The following TBC1D1 variants were observed in gnomAD, a reference collection of about 807,000 sequenced individuals.
TBC1D1 encodes TBC1 domain family member 1, also known as TBC1 (tre-2/USP6, BUB2, cdc16) domain family, member 1.
In TBC1D1, 89 loss-of-function variants were observed where a neutral mutation model predicts 125.6. That is an observed-to-expected ratio of 0.71 (90% CI 0.60 to 0.85). TBC1D1 has a LOEUF of 0.85. Among genes scored for constraint, TBC1D1 ranks in the 40% least tolerant of loss-of-function variants. TBC1D1 has a pLI of 0.00. For synonymous variants in TBC1D1, 565 were observed against 564.1 expected (o/e 1.00, Z -0.02); for missense variants, 1,377 against 1,469.2 (o/e 0.94, Z 1.03).
chr4:38,130,568 G>T (rs1355972405), intron 18 of TBC1D1, among the ~76,000 whole-genome samples: 2 of 152,126 alleles, frequency 1.3e-5, no homozygotes, highest in Non-Finnish European at 2.9e-5. Context: ...AACTCTAGTG[G>T]AATTGCTCTG....
chr4:38,003,088 A>G (rs1420132386), intron 2 of TBC1D1, among the ~76,000 whole-genome samples: 1 of 152,206 alleles, frequency 6.6e-6, no homozygotes, highest in Non-Finnish European at 1.5e-5. Context: ...TCCATCTTAC[A>G]ATACCTACTG....
chr4:37,978,440 C>A lies in TBC1D1; in HGVS notation c.418-36069C>A, dbSNP rs542333744. Among the ~76,000 whole-genome samples, 162 of 152,322 alleles carry A rather than the reference C, an allele frequency of 1.1e-3. 1 individual carries two copies. Among genetic ancestry groups the A allele is most frequent in the Middle Eastern group, 3.4e-3 (1 of 294 alleles). On this transcript the variant is annotated intron_variant, in intron 2 of 19. Transcript: ENST00000261439. The stretch of plus-strand genomic sequence containing the variant: ...ATAAGCTCACAACTCGTTAGCCATA[C>A]TGTGAGGCTTTACCAATTAATAATT...
At chr4:38,057,308 G>A (rs1578471102) in intron 12 of TBC1D1, among the ~76,000 whole-genome samples, 1 of 152,108 alleles carries the variant, frequency 6.6e-6, no homozygotes, top group Non-Finnish European at 1.5e-5. Context: ...AATGCTCTTC[G>A]TCAGTATCCC....
At chr4:38,135,620 C>T (rs1301181859) in intron 19 of TBC1D1, among the ~76,000 whole-genome samples, 2 of 152,140 alleles carry the variant, frequency 1.3e-5, no homozygotes, top group African/African-American at 2.4e-5. Flanking sequence ...CTGAGCCAGG[C>T]CCTGACGATG....
chr4:38,066,919 C>T (rs574731599), intron 12 of TBC1D1, among the ~76,000 whole-genome samples: 28 of 152,142 alleles, frequency 1.8e-4, no homozygotes, highest in African/African-American at 4.6e-4. Context: ...GCTCTGTCGC[C>T]GGGCTGGAGT....
intron 2 of TBC1D1, among the ~76,000 whole-genome samples, chr4:37,904,483 C>T (rs1173387731): frequency 2.6e-5 from 4 of 152,186 alleles, no homozygotes; most frequent in East Asian, 1.9e-4. Flanking sequence ...TGCGTGGAAT[C>T]GTTGTTCAGC....
At chr4:38,073,337 T>G (rs185814255) in intron 12 of TBC1D1, among the ~76,000 whole-genome samples, 1 of 152,384 alleles carries the variant, frequency 6.6e-6, no homozygotes, top group Non-Finnish European at 1.5e-5. Context: ...TGATTTTCTG[T>G]GTTGGGCCTG....
intron 2 of TBC1D1, among the ~76,000 whole-genome samples, chr4:37,964,561 G>A (rs2381133): frequency 6.6e-6 from 1 of 152,006 alleles, no homozygotes; most frequent in Non-Finnish European, 1.5e-5. Flanking sequence ...CTGCCTTCCC[G>A]AGATCCGGCA....
At chr4:38,128,754 C>G (rs2152626383) in intron 18 of TBC1D1, among the ~76,000 whole-genome samples, 1 of 152,290 alleles carries the variant, frequency 6.6e-6, no homozygotes, top group African/African-American at 2.4e-5. Context: ...CCAAGGGTGT[C>G]TGAAGCCTTT....
At chr4:37,973,493 A>G (rs965648895) in intron 2 of TBC1D1, among the ~76,000 whole-genome samples, 5 of 152,200 alleles carry the variant, frequency 3.3e-5, no homozygotes, top group African/African-American at 1.2e-4. Context: ...TCTTAGTCAT[A>G]GGTACTTCAG....
chr4:38,055,445 A>T (rs1366668905), intron 12 of TBC1D1, among the ~76,000 whole-genome samples: 2 of 152,050 alleles, frequency 1.3e-5, no homozygotes, highest in Non-Finnish European at 2.9e-5. Flanking sequence ...TTACTGATAC[A>T]TTTTTTTTAA....
chr4:37,921,104 C>T (rs1176951214), intron 2 of TBC1D1, among the ~76,000 whole-genome samples: 1 of 100,738 alleles, frequency 9.9e-6, no homozygotes, highest in South Asian at 3.5e-4. Context: ...AGCGAGACTC[C>T]GTCTCAAAAA....
At chr4:38,062,223 A>G (rs1752893050) in intron 12 of TBC1D1, among the ~76,000 whole-genome samples, 1 of 150,522 alleles carries the variant, frequency 6.6e-6, no homozygotes, top group Non-Finnish European at 1.5e-5. Flanking sequence ...TGCTCCCCGC[A>G]TCTTGATTGC....
chr4:38,009,518 G>A (rs1741033731), intron 2 of TBC1D1, among the ~76,000 whole-genome samples: 1 of 152,196 alleles, frequency 6.6e-6, no homozygotes. Flanking sequence ...TACACTTGCA[G>A]TGTATTTATA....
At chr4:38,094,883 CAAAAAA>C in intron 13 of TBC1D1, among the ~76,000 whole-genome samples, 1 of 61,022 alleles carries the variant, frequency 1.6e-5, no homozygotes, top group African/African-American at 5.6e-5. Context: ...AAATCACAGC[CAAAAAA>C]AAAAAAAAAA....
intron 10 of TBC1D1, among the ~76,000 whole-genome samples, chr4:38,047,255 C>G (rs1029878535): frequency 6.6e-6 from 1 of 152,174 alleles, no homozygotes; most frequent in Non-Finnish European, 1.5e-5. Context: ...TGCTCCGCCT[C>G]CCGGGTTCAG....
intron 18 of TBC1D1, among the ~76,000 whole-genome samples, chr4:38,127,036 T>TA (rs1352545131): frequency 6.6e-6 from 1 of 152,004 alleles, no homozygotes; most frequent in African/African-American, 2.4e-5. Context: ...TGTACTTACT[T>TA]ACATTTACAG....
Position 37,977,584 on chromosome 4 carries a change from TG to T in TBC1D1, c.418-36923del. On this transcript the variant is annotated intron_variant, in intron 2 of 19. Transcript: ENST00000261439. This position sits in a 1 kb window ranked among gnomAD's most constrained non-coding sequence, Gnocchi z 4.3. ...CGGAGCGGAGCGGCAGGCGCGGGGC[TG>T]GAACATTTGTAACCTTCGGGCCGGG... 1.8e-6 allele frequency: 1 copy of T among 556,948 alleles called. No individual in the cohort carries two copies. Among genetic ancestry groups the T allele is most frequent in the Non-Finnish European group, 2.3e-6 (1 of 428,460 alleles). 34.5% of individuals were successfully genotyped at this position (556,948 alleles called of 1,614,324 possible).
At chr4:37,940,336 G>T (rs1352547506) in intron 2 of TBC1D1, among the ~76,000 whole-genome samples, 6 of 152,132 alleles carry the variant, frequency 3.9e-5, no homozygotes, top group Admixed American at 3.9e-4. Flanking sequence ...TCTTTTATCG[G>T]TGTATAAGAA....
Sources: gnomAD v4.1 joint callset for allele counts (sites outside exome capture counted in the v4.1 genomes callset) on GRCh38, gnomAD v4.1.1 for gene constraint, Gnocchi (gnomAD v3.1) non-coding constraint, MANE v1.5 for transcripts, NCBI Gene and HGNC (gene_info 2026-07-23, HGNC 2026-07-21) for gene names.